AKR1C8: variants seen among roughly 807,000 people sequenced by gnomAD.
AKR1C8 encodes the protein aldo-keto reductase family 1 member C8.
chr10:5,131,260 T>C, the AKR1C8 span, among the ~76,000 whole-genome samples: 14 of 151,982 alleles, frequency 9.2e-5, no homozygotes, highest in Non-Finnish European at 2.9e-5. Flanking sequence ...CTTCCTTACA[T>C]TGGCCTCGAC....
chr10:5,181,037 G>A, the AKR1C8 span, among the ~76,000 whole-genome samples: 2,180 of 152,244 alleles, frequency 0.014, 51 homozygotes, highest in African/African-American at 0.05. Flanking sequence ...AGATGAACCC[G>A]GTACCTCAGA....
chr10:5,118,976 C>T, the AKR1C8 span, among the ~76,000 whole-genome samples: 9 of 151,962 alleles, frequency 5.9e-5, no homozygotes, highest in Admixed American at 5.2e-4. Context: ...GAAGTCAGTG[C>T]CCCCTACTTA....
At chr10:5,132,753 A>T in the AKR1C8 span, 192 of 1,456,900 alleles carry the variant, frequency 1.3e-4, 2 homozygotes, top group South Asian at 2.1e-3. Context: ...AACCTCCACA[A>T]CTCTATTCCT....
chr10:5,117,874 G>C, the AKR1C8 span, among the ~76,000 whole-genome samples: 2 of 152,172 alleles, frequency 1.3e-5, no homozygotes, highest in Non-Finnish European at 2.9e-5. Context: ...AGCCATTCAT[G>C]AGAGATCTGC....
chr10:5,138,105 A>C, the AKR1C8 span, among the ~76,000 whole-genome samples: 1 of 151,594 alleles, frequency 6.6e-6, no homozygotes, highest in African/African-American at 2.4e-5. Flanking sequence ...TAAACATCTT[A>C]CACAACAGAA....
At chr10:5,121,057 C>T in the AKR1C8 span, among the ~76,000 whole-genome samples, 1 of 151,476 alleles carries the variant, frequency 6.6e-6, no homozygotes, top group Non-Finnish European at 1.5e-5. Flanking sequence ...TTAAGTGAAG[C>T]ATAAAACGAC....
the AKR1C8 span, among the ~76,000 whole-genome samples, chr10:5,143,234 C>T: frequency 2.6e-5 from 4 of 152,034 alleles, no homozygotes; most frequent in Non-Finnish European, 5.9e-5. Flanking sequence ...AGTCAGCTTG[C>T]TCTCTCTCTC....
At chr10:5,180,370 G>A in the AKR1C8 span, among the ~76,000 whole-genome samples, 1 of 152,332 alleles carries the variant, frequency 6.6e-6, no homozygotes, top group Non-Finnish European at 1.5e-5. Context: ...TGTGTGCGGT[G>A]TCAGTCTGCC....
At chr10:5,123,868 T>G in the AKR1C8 span, 1 of 1,550,188 alleles carries the variant, frequency 6.5e-7, no homozygotes, top group Non-Finnish European at 8.8e-7. Flanking sequence ...GAAACAGTTA[T>G]GTTAATATAA....
chr10:5,161,954 G>T, the AKR1C8 span: 2 of 533,628 alleles, frequency 3.7e-6, no homozygotes, highest in South Asian at 2.8e-5. Context: ...AATTCTGCCC[G>T]AAAGAAAGTA....
the AKR1C8 span, among the ~76,000 whole-genome samples, chr10:5,171,663 A>G: frequency 8.5e-5 from 13 of 152,132 alleles, no homozygotes; most frequent in East Asian, 2.1e-3. Context: ...ACCCTTTATA[A>G]TTTTTGTTAA....
At chr10:5,147,645 C>T in the AKR1C8 span, among the ~76,000 whole-genome samples, 1 of 152,150 alleles carries the variant, frequency 6.6e-6, no homozygotes, top group Non-Finnish European at 1.5e-5. Flanking sequence ...TTTCTGGTGA[C>T]TTTGTGTCCT....
the AKR1C8 span, chr10:5,160,958 C>A: frequency 2.2e-6 from 1 of 459,964 alleles, no homozygotes; most frequent in Non-Finnish European, 4.5e-6. Flanking sequence ...GCCTAAGGAG[C>A]TCGGCCAAAC....
At chr10:5,164,045 A>T in the AKR1C8 span, among the ~76,000 whole-genome samples, 1 of 152,104 alleles carries the variant, frequency 6.6e-6, no homozygotes, top group South Asian at 2.1e-4. Context: ...TTTTTTGGAC[A>T]TGCTTTTGAC....
At chr10:5,137,030 C>T in the AKR1C8 span, among the ~76,000 whole-genome samples, 1 of 152,138 alleles carries the variant, frequency 6.6e-6, no homozygotes. Flanking sequence ...TATGTTTACA[C>T]TATTTTATAT....
At chr10:5,120,761 A>G in the AKR1C8 span, among the ~76,000 whole-genome samples, 1 of 151,970 alleles carries the variant, frequency 6.6e-6, no homozygotes, top group Non-Finnish European at 1.5e-5. Flanking sequence ...CTGTTCACAT[A>G]TTTTTGGGGG....
chr10:5,125,439 C>T, the AKR1C8 span, among the ~76,000 whole-genome samples: 1 of 152,096 alleles, frequency 6.6e-6, no homozygotes, highest in Non-Finnish European at 1.5e-5. Flanking sequence ...TGTGACCCTG[C>T]CTGTCACCTG....
At chr10:5,118,732 CTCT>C in the AKR1C8 span, among the ~76,000 whole-genome samples, 1 of 152,090 alleles carries the variant, frequency 6.6e-6, no homozygotes, top group African/African-American at 2.4e-5. Flanking sequence ...TATGTTGGTT[CTCT>C]TATTAATCTG....
At chr10:5,127,801 T>A in the AKR1C8 span, among the ~76,000 whole-genome samples, 11 of 148,160 alleles carry the variant, frequency 7.4e-5, no homozygotes, top group South Asian at 4.3e-4. Flanking sequence ...CAGCCAAACC[T>A]AAGAATAACT....
Sources: allele counts gnomAD v4.1 joint callset (sites outside exome capture counted in the v4.1 genomes callset), GRCh38; gene constraint gnomAD v4.1.1; transcripts MANE v1.5; gene names NCBI Gene and HGNC (gene_info 2026-07-23, HGNC 2026-07-21).